Variants in GLUD1 observed in about 807,000 individuals in gnomAD.
The protein encoded by GLUD1 is glutamate dehydrogenase 1, mitochondrial.
Under a neutral mutation model 56.0 loss-of-function variants are expected in GLUD1, and 22 were observed. The ratio of observed to expected loss-of-function variants is 0.39; its 90% CI spans 0.28 to 0.56. The LOEUF (loss-of-function observed/expected upper bound fraction) is 0.56. Among genes scored for constraint, GLUD1 ranks in the 20% least tolerant of loss-of-function variants. The pLI is 0.58. For missense variants in GLUD1, 451 were observed against 732.0 expected (o/e 0.62, Z 4.43); for synonymous variants, 223 against 269.9 (o/e 0.83, Z 1.70).
intron 1 of GLUD1, chr10:87,093,977 ATTCCCTTTCCTAG>A: frequency 7.1e-7 from 1 of 1,416,814 alleles, no homozygotes; most frequent in Admixed American, 2.1e-5. Context: ...CGGGCAGGTC[ATTCCCTTTCCTAG>A]AAGTGCATTT....
intron 1 of GLUD1, among the ~76,000 whole-genome samples, chr10:87,086,690 G>A (rs1325862581): frequency 1.3e-5 from 2 of 151,558 alleles, no homozygotes; most frequent in Non-Finnish European, 2.9e-5. Context: ...AAATTAGCCA[G>A]CGTGGCGGTG....
chr10:87,055,131 G>C (rs978802514), intron 11 of GLUD1, among the ~76,000 whole-genome samples: 2 of 152,176 alleles, frequency 1.3e-5, no homozygotes, highest in Non-Finnish European at 2.9e-5. Context: ...TAGTGGTCAG[G>C]GTGTGAACTG....
At chr10:87,059,461 G>T (rs533217734) in intron 9 of GLUD1, among the ~76,000 whole-genome samples, 188 bp from the exon 10 acceptor site, 2 of 135,724 alleles carry the variant, frequency 1.5e-5, no homozygotes, top group African/African-American at 5.8e-5. Context: ...TCCATCTAAG[G>T]CTTTTTCTAT....
chr10:87,091,030 T>C (rs1841499155), intron 1 of GLUD1, among the ~76,000 whole-genome samples: 1 of 152,194 alleles, frequency 6.6e-6, no homozygotes, highest in Non-Finnish European at 1.5e-5. Context: ...ACTGTTTCCT[T>C]CTGGCATTTT....
chr10:87,060,517 T>C (rs1431168108), intron 8 of GLUD1, 171 bp downstream of exon 8: 5 of 854,200 alleles, frequency 5.9e-6, no homozygotes, highest in Non-Finnish European at 7.8e-6. Context: ...TCTGTGCCGG[T>C]AGCTAAAAGC....
chr10:87,090,847 A>C (rs1346215052), intron 1 of GLUD1, among the ~76,000 whole-genome samples: 1 of 152,224 alleles, frequency 6.6e-6, no homozygotes, highest in African/African-American at 2.4e-5. Flanking sequence ...CAGCAAAATA[A>C]GTCAGAAACA....
intron 12 of GLUD1, 76 bp downstream of exon 12, chr10:87,053,266 T>G: frequency 1.1e-6 from 1 of 915,616 alleles, no homozygotes; most frequent in South Asian, 1.3e-5. Flanking sequence ...GCACATACAG[T>G]CTGGCGGCTG....
In GLUD1 at chr10:87,094,839, G is replaced by A. The variant is rs920051565; in HGVS notation, c.-70C>T. 2.4e-6 allele frequency: 3 copies of A among 1,236,086 alleles called. No homozygotes were observed. Among genetic ancestry groups the A allele is most frequent in the African/African-American group, 3.1e-5 (2 of 64,048 alleles). 76.6% of individuals were successfully genotyped at this position (1,236,086 alleles called of 1,614,324 possible). A position where few individuals can be genotyped will look rare whatever the true frequency, so the allele number is the denominator to read the frequency against. On this transcript the variant is annotated 5_prime_UTR_variant, in exon 1 of 13. Transcript: ENST00000277865. The surrounding 1 kb of genome is among the most constrained non-coding windows in gnomAD (Gnocchi z 6.6). ...CGCTTTCTCAGACTCCCCGCGACTA[G>A]GGAGGAAGGGTCCCGCGCGGGTTGC... is the stretch of plus-strand genomic sequence containing the variant.
At chr10:87,088,367 C>T (rs1841435724) in intron 1 of GLUD1, among the ~76,000 whole-genome samples, 1 of 152,004 alleles carries the variant, frequency 6.6e-6, no homozygotes, top group Non-Finnish European at 1.5e-5. Context: ...AAAGAACCCT[C>T]TGCATAAAGT....
intron 1 of GLUD1, among the ~76,000 whole-genome samples, chr10:87,092,123 G>A (rs1841523388): frequency 6.6e-6 from 1 of 152,200 alleles, no homozygotes; most frequent in African/African-American, 2.4e-5. Context: ...CTGCAAACAA[G>A]GGTGATAAAT....
chr10:87,068,211 C>A, intron 4 of GLUD1, 54 bp from the exon 5 acceptor site: 1 of 1,081,706 alleles, frequency 9.2e-7, no homozygotes. Context: ...AAATTCTTCT[C>A]GAACACAAAG....
intron 4 of GLUD1, among the ~76,000 whole-genome samples, chr10:87,069,876 A>G (rs1277028920): frequency 1.3e-5 from 2 of 152,152 alleles, no homozygotes; most frequent in Non-Finnish European, 1.5e-5. Context: ...CAACAACAAC[A>G]ACAACAAAAT....
chr10:87,070,749 T>C (rs1210056927), intron 4 of GLUD1, among the ~76,000 whole-genome samples: 2 of 152,206 alleles, frequency 1.3e-5, no homozygotes, highest in South Asian at 4.1e-4. Context: ...GCTTCTGCCA[T>C]CCAAAACAAA....
intron 11 of GLUD1, among the ~76,000 whole-genome samples, chr10:87,054,553 C>T (rs920532966): frequency 6.6e-5 from 10 of 152,010 alleles, no homozygotes; most frequent in Admixed American, 2.0e-4. Context: ...TGAAAAATAG[C>T]TACTGGATTT....
chr10:87,084,263 G>A (rs1272616050), intron 1 of GLUD1, among the ~76,000 whole-genome samples: 3 of 152,172 alleles, frequency 2.0e-5, no homozygotes, highest in Non-Finnish European at 4.4e-5. Flanking sequence ...TATGTTAACT[G>A]GTATCCAGAT....
chr10:87,057,217 G>A (rs1020910670), intron 11 of GLUD1, among the ~76,000 whole-genome samples: 1 of 152,042 alleles, frequency 6.6e-6, no homozygotes, highest in African/African-American at 2.4e-5. Flanking sequence ...TCGATGACTT[G>A]ACTTCGTGAT....
At chr10:87,088,319 T>A (rs1564565529) in intron 1 of GLUD1, among the ~76,000 whole-genome samples, 1 of 151,626 alleles carries the variant, frequency 6.6e-6, no homozygotes, top group East Asian at 1.9e-4. Flanking sequence ...TGAAAAAAAA[T>A]ATTCCAAGAA....
At chr10:87,082,311 G>C (rs1841280968) in intron 1 of GLUD1, among the ~76,000 whole-genome samples, 1 of 152,242 alleles carries the variant, frequency 6.6e-6, no homozygotes, top group African/African-American at 2.4e-5. Flanking sequence ...AATGACATGA[G>C]TCAGAAACTG....
chr10:87,056,286 C>A (rs961114739), intron 11 of GLUD1, among the ~76,000 whole-genome samples: 1 of 151,242 alleles, frequency 6.6e-6, no homozygotes, highest in African/African-American at 2.4e-5. Flanking sequence ...ACTGTTTACA[C>A]CGTTTCTTTT....
Sources: gnomAD v4.1 joint callset for allele counts (sites outside exome capture counted in the v4.1 genomes callset) on GRCh38, gnomAD v4.1.1 for gene constraint, Gnocchi (gnomAD v3.1) non-coding constraint, MANE v1.5 for transcripts, NCBI Gene and HGNC (gene_info 2026-07-23, HGNC 2026-07-21) for gene names.